COL24A1: variants seen among roughly 807,000 people sequenced by gnomAD.
COL24A1 encodes collagen alpha-1(XXIV) chain.
Under a neutral mutation model 253.9 loss-of-function variants are expected in COL24A1, and 224 were observed. That is an observed-to-expected ratio of 0.88 (90% confidence interval 0.79 to 0.99). COL24A1 has a LOEUF of 0.99. Among genes scored for constraint, COL24A1 ranks in the 50% least tolerant of loss-of-function variants. The pLI is 0.00. For synonymous variants in COL24A1, 685 were observed against 673.7 expected (o/e 1.02, Z -0.26); for missense variants, 2,131 against 2,068.5 (o/e 1.03, Z -0.59).
intron 43 of COL24A1, among the ~76,000 whole-genome samples, chr1:85,829,560 C>G (rs931761220): frequency 1.1e-4 from 17 of 151,900 alleles, no homozygotes; most frequent in African/African-American, 4.1e-4. Context: ...TCAGGTACAC[C>G]AATCAGACGT....
chr1:86,139,807 G>C (rs1650818862), intron 2 of COL24A1, among the ~76,000 whole-genome samples: 1 of 152,090 alleles, frequency 6.6e-6, no homozygotes, highest in South Asian at 2.1e-4. Flanking sequence ...AAATGAGAAT[G>C]ATTATAGACT....
chr1:85,776,309 T>C (rs1159136628), intron 52 of COL24A1, among the ~76,000 whole-genome samples: 1 of 152,102 alleles, frequency 6.6e-6, no homozygotes, highest in Non-Finnish European at 1.5e-5. Context: ...ATACCTTCTA[T>C]GACCTCAGTT....
intron 45 of COL24A1, among the ~76,000 whole-genome samples, chr1:85,822,030 T>C (rs554569184): frequency 9.2e-5 from 14 of 152,334 alleles, no homozygotes; most frequent in Non-Finnish European, 1.2e-4. Context: ...AGGTTCCCAA[T>C]GTTTTCTATG....
intron 20 of COL24A1, among the ~76,000 whole-genome samples, chr1:85,976,277 C>T (rs1399357013): frequency 6.6e-6 from 1 of 152,100 alleles, no homozygotes; most frequent in Non-Finnish European, 1.5e-5. Context: ...GCACAGGCTA[C>T]CTGGAGACAA....
intron 53 of COL24A1, among the ~76,000 whole-genome samples, chr1:85,771,368 T>C (rs952480389): frequency 2.0e-5 from 3 of 152,126 alleles, no homozygotes; most frequent in Admixed American, 6.6e-5. Flanking sequence ...TTTCTGATCT[T>C]GTGATAGTTT....
intron 20 of COL24A1, among the ~76,000 whole-genome samples, chr1:85,972,732 A>G (rs1692298199): frequency 6.6e-6 from 1 of 152,232 alleles, no homozygotes; most frequent in Non-Finnish European, 1.5e-5. Flanking sequence ...GTGCATCCCC[A>G]GAAAAAATGA....
intron 4 of COL24A1, among the ~76,000 whole-genome samples, chr1:86,112,964 C>G (rs1364668180): frequency 6.6e-6 from 1 of 151,920 alleles, no homozygotes; most frequent in African/African-American, 2.4e-5. Flanking sequence ...TACTTAAATA[C>G]TTTATTGCTG....
intron 5 of COL24A1, among the ~76,000 whole-genome samples, chr1:86,102,276 C>T (rs1704538155): frequency 6.6e-6 from 1 of 151,926 alleles, no homozygotes. Context: ...AATCTTTTCT[C>T]TTCCTTTTTA....
chr1:85,896,423 A>C lies in COL24A1; in HGVS notation c.2779-14T>G, dbSNP rs753695075. ...TCCTCTTGATCCCTAGAGGTGAAAA[A>C]AATATCCTGTTGTTAATTTGAAATG... On this transcript the variant is annotated splice_polypyrimidine_tract_variant and intron_variant, in intron 28 of 59. Transcript: ENST00000370571. 7 of 1,606,056 alleles carry C rather than the reference A, an allele frequency of 4.4e-6. No individual in the cohort carries two copies. Among genetic ancestry groups the C allele is most frequent in the Non-Finnish European group, 6.0e-6 (7 of 1,172,944 alleles).
chr1:85,875,216 C>A, intron 34 of COL24A1, 61 bp downstream of exon 34: 2 of 1,415,246 alleles, frequency 1.4e-6, no homozygotes, highest in Non-Finnish European at 2.0e-6. Context: ...TCAATGGTAG[C>A]AAATGTAGGG....
intron 7 of COL24A1, among the ~76,000 whole-genome samples, chr1:86,075,823 G>A (rs919555175): frequency 3.9e-5 from 6 of 152,018 alleles, no homozygotes; most frequent in Non-Finnish European, 8.8e-5. Flanking sequence ...GGCAGAAAAA[G>A]CCTTCAATAA....
At chr1:85,875,133 T>G (rs1435211500) in intron 34 of COL24A1, 144 bp downstream of exon 34, 2 of 693,540 alleles carry the variant, frequency 2.9e-6, no homozygotes, top group Admixed American at 2.5e-5. Context: ...TCATAAGGAA[T>G]AGGAGTTCCA....
intron 7 of COL24A1, among the ~76,000 whole-genome samples, chr1:86,065,390 C>T (rs893541089): frequency 6.6e-6 from 1 of 152,136 alleles, no homozygotes; most frequent in African/African-American, 2.4e-5. Context: ...CCAAATCACT[C>T]CATAATAGTG....
At chr1:85,854,175 T>G (rs1678144381) in intron 37 of COL24A1, among the ~76,000 whole-genome samples, 1 of 152,214 alleles carries the variant, frequency 6.6e-6, no homozygotes, top group Admixed American at 6.5e-5. Context: ...TTCAATCTTC[T>G]GCATATGGCT....
intron 7 of COL24A1, among the ~76,000 whole-genome samples, chr1:86,071,498 A>G (rs1345739229): frequency 6.6e-6 from 1 of 152,182 alleles, no homozygotes; most frequent in Non-Finnish European, 1.5e-5. Flanking sequence ...ATCTTTGCCT[A>G]TAAGAAACAC....
intron 24 of COL24A1, among the ~76,000 whole-genome samples, chr1:85,939,925 A>G (rs1688585762): frequency 1.4e-5 from 2 of 145,258 alleles, no homozygotes; most frequent in Non-Finnish European, 2.9e-5. Context: ...AGTAGTATAA[A>G]TAAATAAAAA....
At chr1:86,071,917 T>C (rs1206253122) in intron 7 of COL24A1, among the ~76,000 whole-genome samples, 3 of 151,980 alleles carry the variant, frequency 2.0e-5, no homozygotes, top group Non-Finnish European at 4.4e-5. Flanking sequence ...GTCAGGGAAC[T>C]CCCTCCCCTA....
intron 47 of COL24A1, among the ~76,000 whole-genome samples, chr1:85,816,546 A>G (rs1463803601): frequency 6.6e-6 from 1 of 152,202 alleles, no homozygotes; most frequent in African/African-American, 2.4e-5. Context: ...AACAGATTTT[A>G]TATTTTTAAA....
chr1:85,938,257 T>C (rs1480716931), intron 24 of COL24A1, among the ~76,000 whole-genome samples: 1 of 147,212 alleles, frequency 6.8e-6, no homozygotes, highest in Non-Finnish European at 1.5e-5. Context: ...AATGTCCCAG[T>C]GGAGGACTCT....
Sources: gnomAD v4.1 joint callset for allele counts (sites outside exome capture counted in the v4.1 genomes callset) on GRCh38, gnomAD v4.1.1 for gene constraint, MANE v1.5 for transcripts, NCBI Gene and HGNC (gene_info 2026-07-23, HGNC 2026-07-21) for gene names.